Variants in MED23 observed in about 807,000 individuals in gnomAD.
MED23 encodes mediator of RNA polymerase II transcription subunit 23.
Under a neutral mutation model 163.9 loss-of-function variants are expected in MED23, and 105 were observed. The observed-to-expected ratio is 0.64, with a 90% CI of 0.55 to 0.75. The LOEUF (loss-of-function observed/expected upper bound fraction) is 0.75, where lower values mean the gene tolerates loss of function less well. MED23 is among the 30% of genes least tolerant of loss of function. The probability of loss-of-function intolerance (pLI) is 0.00; values close to 1 mark genes in which losing one functional copy is unlikely to be tolerated. For synonymous variants in MED23, 561 were observed against 565.6 expected (o/e 0.99, Z 0.12); for missense variants, 1,054 against 1,649.0 (o/e 0.64, Z 6.25).
chr6:131,602,478 C>T (rs1775556647), intron 16 of MED23, 97 bp from the exon 17 acceptor site: 2 of 1,101,048 alleles, frequency 1.8e-6, no homozygotes, highest in Non-Finnish European at 2.6e-6. Flanking sequence ...CAATCTATGA[C>T]TATCCCTTCT....
chr6:131,594,102 C>T lies in MED23; in HGVS notation c.3229G>A (p.Asp1077Asn), dbSNP rs200324472. Reference protein sequence around the residue: ...YYCRLIGRLVDTMAGKSPGPF... With the variant: ...YYCRLIGRLVNTMAGKSPGPF... ...AAAATCACAATAAAAAGGATATTAT[C>T]GACTAGTCTGCCAATCAATCTGCAA... is the stretch of plus-strand genomic sequence containing the variant. Residue 1077 changes from aspartate (D) to asparagine (N), a missense_variant, in exon 23 of 29, where the codon GAT (aspartate) becomes AAT (asparagine). Coordinates refer to ENST00000368068, the MANE Select transcript of MED23 (RefSeq NM_004830.4). 65 of 1,607,978 alleles carry T rather than the reference C, an allele frequency of 4.0e-5. No homozygotes were observed. The highest frequency in any genetic ancestry group is 5.2e-5 in the Non-Finnish European group (61 of 1,174,732).
chr6:131,602,369 A>G lies in MED23; in HGVS notation c.1944T>C (p.Thr648=). ...QNQLHLCVES[T]ALRLITALGS... is the part of the protein sequence containing the mutation. ...CTAATGCTGTTATAAGCCTGAGAGC[A>G]GTGCTCTCGACACTGAAAATTGGGA... Residue 648 remains threonine, a synonymous_variant, in exon 17 of 29, where the codon ACT becomes ACC. Transcript: ENST00000368068. 1 of 1,613,512 alleles carries G rather than the reference A, an allele frequency of 6.2e-7. No homozygotes were observed.
chr6:131,581,111 C>G lies in MED23; in HGVS notation c.4095+6598G>C, dbSNP rs533715421. 3.7e-6 allele frequency: 4 copies of G among 1,080,844 alleles called. No homozygotes were observed. In the South Asian group the frequency reaches 5.1e-5, roughly 14 times the overall value. The allele number at this position is 1,080,844 out of a possible 1,614,324, so 67.0% of individuals were successfully genotyped here. A position where few individuals can be genotyped will look rare whatever the true frequency, so the allele number is the denominator to read the frequency against. On this transcript the variant is annotated intron_variant, in intron 30 of 30. Transcript: ENST00000354577. ...CCAATTCAGAACCTATCAGAAATAT[C>G]AGACACTGTGACTCAAAGGAAAACC... is the stretch of plus-strand genomic sequence containing the variant.
chr6:131,596,500 AC>A lies in MED23; in HGVS notation c.2778+17del. 1 of 1,613,410 alleles carries A rather than the reference AC, an allele frequency of 6.2e-7. No homozygotes were observed. The highest frequency in any genetic ancestry group is 8.5e-7 in the Non-Finnish European group (1 of 1,179,364). On this transcript the variant is annotated intron_variant, in intron 21 of 28. Coordinates refer to ENST00000368068, the MANE Select transcript of MED23 (RefSeq NM_004830.4). ...TGGCTTTAAAAGGACTATTTGAAAT[AC>A]CAATTAGGACTAGTACCTTGTGATA...
At position 131,594,335 on chromosome 6, in the gene MED23, T is replaced by C. The variant is rs759878757; in HGVS notation, c.2996A>G (p.Asp999Gly). The C allele has an allele frequency of 3.7e-6, 6 of 1,608,978 alleles. No individual in the cohort carries two copies. Among genetic ancestry groups the C allele is most frequent in the Non-Finnish European group, 5.1e-6 (6 of 1,175,390 alleles). ...DHLGGLYKFH[D>G]RPVTYLYNTL... ...GTTATACAGATAAGTCACTGGACGA[T>C]CTGCCAAGAAAAAAACATACCACCA... The change falls in exon 23 of 29, where the codon GAT (aspartate) becomes GGT (glycine). Residue 999 changes from aspartate to glycine, a missense_variant and splice_region_variant. This residue lies in a region of MED23 where 362 missense variants were observed against 471.6 expected (regional missense o/e 0.77). Transcript: ENST00000368068.
intron 30 of MED23, among the ~76,000 whole-genome samples, chr6:131,578,457 T>G (rs1773739518): frequency 6.6e-6 from 1 of 152,174 alleles, no homozygotes; most frequent in South Asian, 2.1e-4. Flanking sequence ...GCACACCCAG[T>G]CCTTAGGAAT....
At position 131,620,708 on chromosome 6, in the gene MED23, T is replaced by C; in HGVS notation, c.517A>G (p.Arg173Gly). 1.9e-6 allele frequency: 3 copies of C among 1,612,816 alleles called. No individual in the cohort carries two copies. The highest frequency in any genetic ancestry group is 2.5e-6 in the Non-Finnish European group (3 of 1,178,918). Residue 173 changes from arginine to glycine, a missense_variant, in exon 7 of 29, where the codon AGA becomes GGA. By Grantham distance (125) the Arg-to-Gly change is moderately radical (BLOSUM62 -2). Transcript: ENST00000368068. ...AREVIAYILE[R>G]NACLLPAYFA... is the part of the protein sequence containing the mutation. ...TAGGCTGGTAATAAGCAGGCATTTC[T>C]TTCCAAGATATATGCTATAACCTAA... is the stretch of plus-strand genomic sequence containing the variant.
intron 11 of MED23, among the ~76,000 whole-genome samples, chr6:131,608,845 A>T (rs1375160528): frequency 6.6e-6 from 1 of 152,194 alleles, no homozygotes; most frequent in Non-Finnish European, 1.5e-5. Flanking sequence ...TTTTATTCCC[A>T]TTCAATATGT....
At position 131,615,927 on chromosome 6, in the gene MED23, T is replaced by C; in HGVS notation, c.856A>G (p.Met286Val). The change falls in exon 10 of 29, where the codon ATG (methionine) becomes GTG (valine). Residue 286 changes from methionine to valine, a missense_variant. Met to Val is a conservative substitution (Grantham distance 21). This residue lies in a region of MED23 where 26 missense variants were observed against 28.4 expected (regional missense o/e 0.92). Transcript: ENST00000368068. ...AGTACCTGCTTATTTAAACCTAGCA[T>C]ATTGCAGACCATATCCCTGGAATAA... ...QPYSRDMVCN[M>V]LGLNKQHKQR... The C allele has an allele frequency of 6.2e-7, 1 of 1,613,528 alleles. No homozygotes were observed. The highest frequency in any genetic ancestry group is 8.5e-7 in the Non-Finnish European group (1 of 1,179,560).
rs370202525 is a variant in MED23 at position 131,595,153 on chromosome 6, A to G, written c.2995+794T>C. The stretch of plus-strand genomic sequence containing the variant: ...AGAGTGGCTGCTCCAGGACCTTCAC[A>G]TTTCTGTCACTGACCCTGCCACTCT... On this transcript the variant is annotated intron_variant, in intron 22 of 28. Transcript: ENST00000368068. 4.1e-4 allele frequency among the ~76,000 whole-genome samples: 63 copies of G among 152,254 alleles called. 1 individual carries two copies. In the East Asian group the frequency reaches 0.011, roughly 27 times the overall value.
At chr6:131,609,859 A>G (rs1233303914) in intron 11 of MED23, among the ~76,000 whole-genome samples, 187 bp downstream of exon 11, 1 of 151,648 alleles carries the variant, frequency 6.6e-6, no homozygotes, top group East Asian at 1.9e-4. Context: ...CATAGAATGA[A>G]TGACTGAATC....
intron 30 of MED23, chr6:131,576,485 A>G (rs1294294042): frequency 1.6e-6 from 1 of 630,294 alleles, no homozygotes; most frequent in African/African-American, 1.8e-5. Context: ...ATTTGGCATA[A>G]AAGTCATTCA....
chr6:131,604,260 G>A lies in MED23; in HGVS notation c.1674C>T (p.Ala558=). ...IKLAHAKSSV[A]LAPALVETYS... is the part of the protein sequence containing the mutation. ...AAGTTTCCACTAGGGCTGGAGCCAA[G>A]GCCACACTGGACTTTGCATGAGCAA... The change falls in exon 15 of 29, where the codon GCC becomes GCT. Residue 558 remains alanine (A), a synonymous_variant. Coordinates refer to ENST00000368068, the MANE Select transcript of MED23 (RefSeq NM_004830.4). 1 of 1,613,830 alleles carries A rather than the reference G, an allele frequency of 6.2e-7. No individual in the cohort carries two copies. The highest frequency in any genetic ancestry group is 1.6e-4 in the Middle Eastern group (1 of 6,062).
intron 5 of MED23, among the ~76,000 whole-genome samples, chr6:131,622,605 TA>T (rs1481588163): frequency 6.6e-6 from 1 of 152,190 alleles, no homozygotes; most frequent in Admixed American, 6.5e-5. Context: ...AACATATACC[TA>T]AAAGAACAAT....
chr6:131,601,038 C>CT (rs111997719), intron 17 of MED23, among the ~76,000 whole-genome samples: 134 of 147,834 alleles, frequency 9.1e-4, no homozygotes, highest in Middle Eastern at 3.5e-3. Context: ...AAATCAGCTG[C>CT]TTTTTTTTTT....
Position 131,593,137 on chromosome 6 carries a change from G to A in MED23, c.3267C>T (p.Asn1089=). 1 of 1,614,192 alleles carries A rather than the reference G, an allele frequency of 6.2e-7. No individual in the cohort carries two copies. The highest frequency in any genetic ancestry group is 8.5e-7 in the Non-Finnish European group (1 of 1,180,026). ...MAGKSPGPFP[N]CDWRFNEFPN... ...GAAACTCATTGAATCTCCAGTCACA[G>A]TTTGGAAAGGGACCAGGAGATTTGC... The change falls in exon 24 of 29, where the codon AAC becomes AAT. Residue 1089 remains asparagine (N), a synonymous_variant. Coordinates refer to ENST00000368068, the MANE Select transcript of MED23 (RefSeq NM_004830.4).
chr6:131,615,700 T>C (rs1339793435), intron 10 of MED23: 4 of 630,992 alleles, frequency 6.3e-6, no homozygotes, highest in Non-Finnish European at 1.1e-5. Context: ...ATAAACCAAC[T>C]TTAAAAATTT....
chr6:131,589,898 G>A (rs1488387322), intron 27 of MED23, among the ~76,000 whole-genome samples: 1 of 152,120 alleles, frequency 6.6e-6, no homozygotes, highest in Non-Finnish European at 1.5e-5. Context: ...CTCGATGTCT[G>A]GGATAACTCC....
At chr6:131,591,887 GA>G in intron 25 of MED23, 1 of 246,386 alleles carries the variant, frequency 4.1e-6, no homozygotes, top group Non-Finnish European at 7.8e-6. Flanking sequence ...ATGTGAGCTG[GA>G]AAAGTCAGGG....
Sources: gnomAD v4.1 joint callset for allele counts (sites outside exome capture counted in the v4.1 genomes callset) on GRCh38, gnomAD v4.1.1 for gene constraint, gnomAD v4.1.1 regional missense constraint, MANE v1.5 for transcripts, NCBI Gene and HGNC (gene_info 2026-07-23, HGNC 2026-07-21) for gene names.